Variants in MGME1 observed in about 807,000 individuals in gnomAD.
The protein encoded by MGME1 is mitochondrial genome maintenance exonuclease 1, also known as chromosome 20 open reading frame 72.
MGME1 carries 22 observed loss-of-function variants against 33.0 expected under a neutral mutation model. That is an observed-to-expected ratio of 0.67 (90% CI 0.48 to 0.95). The LOEUF (loss-of-function observed/expected upper bound fraction) is 0.95. MGME1 is among the 40% of genes least tolerant of loss of function. The pLI is 0.00. For missense variants in MGME1, 383 were observed against 397.8 expected (o/e 0.96, Z 0.32); for synonymous variants, 133 against 144.0 (o/e 0.92, Z 0.55).
rs1257355538 is a variant in MGME1, at chr20:17,970,358, G to T, written c.499G>T (p.Glu167Ter). The change falls in exon 2 of 5, where the codon GAA becomes TAA. Residue 167 changes from glutamate (E) to a stop codon, truncating the protein, a stop_gained. Coordinates refer to ENST00000377710, the MANE Select transcript of MGME1 (RefSeq NM_052865.4). LOFTEE classifies it high-confidence loss of function. Reference protein sequence around the residue: ...ILELGEDGFKEYTSNVFLQGK... With the variant: ...ILELGEDGFK Reference sequence around the variant, plus strand: ...GGAACTGGGAGAAGATGGCTTTAAAGAATACACTTCAAGTAATTATCTCAA... The same window carrying T: ...GGAACTGGGAGAAGATGGCTTTAAATAATACACTTCAAGTAATTATCTCAA... The T allele has an allele frequency of 6.2e-7, 1 of 1,610,630 alleles. No individual in the cohort carries two copies. The highest frequency in any genetic ancestry group is 1.7e-5 in the Admixed American group (1 of 59,678).
At position 17,990,412 on chromosome 20, in the gene MGME1, G is replaced by T. The variant is rs865789703; in HGVS notation, c.*303G>T. The T allele has an allele frequency of 1.7e-5, 5 of 298,482 alleles. No individual in the cohort carries two copies. The highest frequency in any genetic ancestry group is 1.4e-4 in the South Asian group (3 of 22,124). The allele number at this position is 298,482 out of a possible 1,614,324, so 18.5% of individuals were successfully genotyped here. ...TCTTGTACTCCCTTGAGGGACATTG[G>T]GGGGGGGGGGGCGTGGTCCCAGGCA... On this transcript the variant is annotated 3_prime_UTR_variant, in exon 5 of 5. Transcript: ENST00000377710.
intron 2 of MGME1, among the ~76,000 whole-genome samples, chr20:17,972,117 A>G (rs1168929175): frequency 6.6e-6 from 1 of 152,222 alleles, no homozygotes; most frequent in African/African-American, 2.4e-5. Context: ...GTCATGGTGA[A>G]TAAAAGAAAA....
intron 4 of MGME1, 82 bp from the exon 5 acceptor site, chr20:17,989,857 T>G: frequency 1.5e-6 from 2 of 1,297,130 alleles, no homozygotes; most frequent in Non-Finnish European, 2.2e-6. Flanking sequence ...TTATACTGAG[T>G]TTGCCCTGGA....
At chr20:17,978,369 T>TA (rs2035920961) in intron 3 of MGME1, among the ~76,000 whole-genome samples, 1 of 152,132 alleles carries the variant, frequency 6.6e-6, no homozygotes, top group Admixed American at 6.5e-5. Flanking sequence ...CACACCCGGC[T>TA]AATTTTTGTG....
Position 17,990,802 on chromosome 20 carries a change from A to G in MGME1, c.*693A>G, listed in dbSNP as rs1204923726. On this transcript the variant is annotated 3_prime_UTR_variant, in exon 5 of 5. Coordinates refer to ENST00000377710, the MANE Select transcript of MGME1 (RefSeq NM_052865.4). ...AGGCCAGTTTGAACATCACAATTCT[A>G]AGTGTTTTAGTAACTATTTCTGGCG... 6.6e-6 allele frequency: 1 copy of G among 152,232 alleles called. No homozygotes were observed. The highest frequency in any genetic ancestry group is 1.9e-4 in the East Asian group (1 of 5,202). The allele number at this position is 152,232 out of a possible 1,614,324, so 9.4% of individuals were successfully genotyped here.
intron 2 of MGME1, among the ~76,000 whole-genome samples, chr20:17,971,601 G>A (rs2035730408): frequency 6.6e-6 from 1 of 152,170 alleles, no homozygotes; most frequent in Non-Finnish European, 1.5e-5. Flanking sequence ...CCCAGGGCCT[G>A]TAGCTCTTGG....
chr20:17,973,463 C>T (rs369607226), intron 2 of MGME1, among the ~76,000 whole-genome samples: 3 of 151,830 alleles, frequency 2.0e-5, no homozygotes, highest in Non-Finnish European at 2.9e-5. Context: ...GCCTAGGCAA[C>T]GTAGAGAGAT....
At chr20:17,988,134 A>C in intron 3 of MGME1, 32 bp from the exon 4 acceptor site, 3 of 1,589,508 alleles carry the variant, frequency 1.9e-6, no homozygotes, top group Non-Finnish European at 2.6e-6. Flanking sequence ...GTGATCTATT[A>C]CCTACAAAGT....
At position 17,975,835 on chromosome 20, in the gene MGME1, T is replaced by C. The variant is rs377002159; in HGVS notation, c.663T>C (p.Ala221=). The C allele has an allele frequency of 6.2e-6, 10 of 1,614,136 alleles. No individual in the cohort carries two copies. Among genetic ancestry groups the C allele is most frequent in the South Asian group, 4.4e-5 (4 of 91,082 alleles). Residue 221 remains alanine (A), a synonymous_variant, in exon 3 of 5, where the codon GCT becomes GCC. Coordinates refer to ENST00000377710, the MANE Select transcript of MGME1 (RefSeq NM_052865.4). ...HILKDVSGVR[A]LESAVQHETL... The stretch of plus-strand genomic sequence containing the variant: ...TGAAAGATGTCAGTGGAGTGCGAGC[T>C]CTTGAAAGTGCTGTTCAACATGAAA...
At chr20:17,977,779 C>T (rs1307331303) in intron 3 of MGME1, among the ~76,000 whole-genome samples, 1 of 152,142 alleles carries the variant, frequency 6.6e-6, no homozygotes, top group African/African-American at 2.4e-5. Context: ...CATCTAGAGG[C>T]TATGAATGCC....
intron 1 of MGME1, among the ~76,000 whole-genome samples, 189 bp downstream of exon 1, chr20:17,969,330 G>C (rs1479706653): frequency 6.6e-6 from 1 of 152,218 alleles, no homozygotes; most frequent in Non-Finnish European, 1.5e-5. Context: ...GGCGAGCGAC[G>C]GGACCCTCCA....
intron 2 of MGME1, among the ~76,000 whole-genome samples, chr20:17,972,551 T>C (rs905153389): frequency 1.3e-5 from 2 of 151,902 alleles, no homozygotes; most frequent in Non-Finnish European, 2.9e-5. Flanking sequence ...GCACTTCATA[T>C]ACGAGGACTT....
Position 17,975,874 on chromosome 20 carries a change from A to T in MGME1, c.702A>T (p.Ile234=). 13 of 1,614,060 alleles carry T rather than the reference A, an allele frequency of 8.1e-6. No individual in the cohort carries two copies. In the South Asian group the frequency reaches 1.4e-4, roughly 18 times the overall value. The part of the protein sequence containing the change: ...SAVQHETLNY[I]GLLDCVAEYQ... ...TTCAACATGAAACCTTAAACTATAT[A>T]GGTCTGCTGGACTGTGTGGCTGAGT... The change falls in exon 3 of 5, where the codon ATA becomes ATT. Residue 234 remains isoleucine, a synonymous_variant. Transcript: ENST00000377710.
chr20:17,978,248 A>G (rs925849860), intron 3 of MGME1, among the ~76,000 whole-genome samples: 1 of 152,140 alleles, frequency 6.6e-6, no homozygotes, highest in African/African-American at 2.4e-5. Context: ...CTTGTTGCCC[A>G]GGTTGGAGTG....
intron 2 of MGME1, among the ~76,000 whole-genome samples, chr20:17,974,308 G>A (rs546571435): frequency 1.3e-5 from 2 of 152,180 alleles, no homozygotes; most frequent in Admixed American, 6.5e-5. Flanking sequence ...CAGGTAATCC[G>A]CCTGCCTTGG....
intron 3 of MGME1, among the ~76,000 whole-genome samples, chr20:17,984,770 T>A (rs1420261021): frequency 1.3e-5 from 2 of 152,126 alleles, no homozygotes; most frequent in Non-Finnish European, 2.9e-5. Flanking sequence ...GCATGGTGGC[T>A]CACACCTGTA....
intron 3 of MGME1, among the ~76,000 whole-genome samples, chr20:17,978,887 T>C (rs2035933913): frequency 6.6e-6 from 1 of 151,818 alleles, no homozygotes; most frequent in African/African-American, 2.4e-5. Flanking sequence ...GCAATTCTCC[T>C]GTGTCAGCCT....
At chr20:17,970,520 G>A (rs1371556581) in intron 2 of MGME1, 150 bp downstream of exon 2, 88 of 728,416 alleles carry the variant, frequency 1.2e-4, no homozygotes, top group Non-Finnish European at 1.9e-4. Flanking sequence ...AGCACTTTAT[G>A]TGTATTAACT....
chr20:17,979,662 C>T (rs945800761), intron 3 of MGME1, among the ~76,000 whole-genome samples: 7 of 148,962 alleles, frequency 4.7e-5, no homozygotes, highest in African/African-American at 7.4e-5. Context: ...GTGATCTGCC[C>T]GCCTCGGCCT....
Sources: allele counts gnomAD v4.1 joint callset (sites outside exome capture counted in the v4.1 genomes callset), GRCh38; gene constraint gnomAD v4.1.1; transcripts MANE v1.5; gene names NCBI Gene and HGNC (gene_info 2026-07-23, HGNC 2026-07-21).